ENDOV: variants seen among roughly 807,000 people sequenced by gnomAD.
ENDOV encodes endonuclease V.
In ENDOV, 37 loss-of-function variants were observed where a neutral mutation model predicts 39.4. That is an observed-to-expected ratio of 0.94 (90% CI 0.72 to 1.23). The LOEUF (loss-of-function observed/expected upper bound fraction) is 1.23. Among genes scored for constraint, ENDOV ranks in the 50% most tolerant of loss-of-function variants. The probability of loss-of-function intolerance (pLI) is 0.00; values close to 1 mark genes in which losing one functional copy is unlikely to be tolerated. For missense variants in ENDOV, 441 were observed against 375.7 expected, an observed-to-expected ratio of 1.17 and a Z score of -1.44; for synonymous variants, 186 against 163.4, an observed-to-expected ratio of 1.14 and a Z score of -1.05.
chr17:80,425,386 C>A, intron 6 of ENDOV, 106 bp from the exon 7 acceptor site: 2 of 1,465,688 alleles, frequency 1.4e-6, no homozygotes, highest in Non-Finnish European at 1.8e-6. Context: ...CTTCAGCTTC[C>A]CCCTTGCCCC....
At position 80,425,639 on chromosome 17, in the gene ENDOV, CG is replaced by C. The variant is rs1568236252; in HGVS notation, c.714+23del. 1.9e-6 allele frequency: 3 copies of C among 1,563,984 alleles called. No homozygotes were observed. Among genetic ancestry groups the C allele is most frequent in the African/African-American group, 2.7e-5 (2 of 73,970 alleles). On this transcript the variant is annotated intron_variant, in intron 7 of 9. Coordinates refer to ENST00000518137, the MANE Select transcript of ENDOV (RefSeq NM_173627.5). ...GCGCCAGGTGGGTGTGCTGGGGATG[CG>C]GGGAGGCAGCACAGGCTCCTCTGCT...
At chr17:80,421,620 C>T (rs1475808077) in intron 2 of ENDOV, among the ~76,000 whole-genome samples, 4 of 151,786 alleles carry the variant, frequency 2.6e-5, no homozygotes, top group Admixed American at 6.6e-5. Context: ...GACCAGGTCC[C>T]GGGGGTACCT....
At chr17:80,419,200 A>G (rs1185085317) in intron 2 of ENDOV, among the ~76,000 whole-genome samples, 2 of 150,428 alleles carry the variant, frequency 1.3e-5, no homozygotes, top group African/African-American at 4.9e-5. Flanking sequence ...CAGATTCCAG[A>G]GCCCTACCCC....
chr17:80,421,679 C>T, intron 2 of ENDOV, 149 bp from the exon 3 acceptor site: 3 of 1,095,150 alleles, frequency 2.7e-6, no homozygotes, highest in Non-Finnish European at 3.9e-6. Flanking sequence ...TCTTCCAAAC[C>T]CATCATCTCA....
chr17:80,425,216 C>G lies in ENDOV; in HGVS notation c.585+116C>G, dbSNP rs1470743002. ...CACACTTGCCCACATCAACCCCCCG[C>G]CTGCCCGTCCATCCATCCTCCTGCC... On this transcript the variant is annotated intron_variant, in intron 6 of 9. Transcript: ENST00000518137. 8.6e-6 allele frequency: 8 copies of G among 929,130 alleles called. No individual in the cohort carries two copies. The Admixed American group carries it at 2.0e-4, about 23-fold the overall frequency. The allele number at this position is 929,130 out of a possible 1,614,324, so 57.6% of individuals were successfully genotyped here.
chr17:80,436,438 G>GAGC lies in ENDOV; in HGVS notation c.*296_*297insGCA. The GAGC allele has an allele frequency of 8.1e-7, 1 of 1,236,338 alleles. No homozygotes were observed. The highest frequency in any genetic ancestry group is 1.1e-6 in the Non-Finnish European group (1 of 939,054). 76.6% of individuals were successfully genotyped at this position (1,236,338 alleles called of 1,614,324 possible). A position where few individuals can be genotyped will look rare whatever the true frequency, so the allele number is the denominator to read the frequency against. ...CAAGGATGCTCTTCATCCAGCTGAA[G>GAGC]ACGGTCCCTTCTAGTCCTAATTTGT... On this transcript the variant is annotated 3_prime_UTR_variant, in exon 10 of 10. Transcript: ENST00000518137.
chr17:80,415,384 T>G lies in ENDOV; in HGVS notation c.56+134T>G, dbSNP rs1455317831. 4.2e-6 allele frequency: 5 copies of G among 1,186,164 alleles called. No homozygotes were observed. In the African/African-American group the frequency reaches 4.6e-5, roughly 11 times the overall value. 73.5% of individuals were successfully genotyped at this position (1,186,164 alleles called of 1,614,324 possible). ...CGAGACTCCAAAGCAAAGCCCAGTTTCCGGCGCGGAAGCGGAGGGATCTCA... is the reference window on the plus strand; with the variant it reads ...CGAGACTCCAAAGCAAAGCCCAGTTGCCGGCGCGGAAGCGGAGGGATCTCA... On this transcript the variant is annotated intron_variant, in intron 1 of 9. Coordinates refer to ENST00000518137, the MANE Select transcript of ENDOV (RefSeq NM_173627.5).
At chr17:80,432,314 A>T (rs2145138068) in intron 9 of ENDOV, among the ~76,000 whole-genome samples, 1 of 152,208 alleles carries the variant, frequency 6.6e-6, no homozygotes. Context: ...GGAATGAGGC[A>T]TCAGTGGTCG....
intron 1 of ENDOV, 139 bp downstream of exon 1, chr17:80,415,389 C>G (rs1420180849): frequency 2.6e-6 from 3 of 1,158,040 alleles, no homozygotes; most frequent in Non-Finnish European, 3.6e-6. Context: ...CAGTTTCCGG[C>G]GCGGAAGCGG....
intron 9 of ENDOV, among the ~76,000 whole-genome samples, chr17:80,433,505 G>A (rs533580209): frequency 9.8e-5 from 15 of 152,332 alleles, no homozygotes; most frequent in African/African-American, 2.2e-4. Flanking sequence ...TCAGGTCCTC[G>A]AAGGGAGGCC....
At chr17:80,422,311 G>C (rs2082150232) in intron 4 of ENDOV, 66 bp downstream of exon 4, 13 of 1,572,230 alleles carry the variant, frequency 8.3e-6, no homozygotes, top group Non-Finnish European at 1.1e-5. Flanking sequence ...GGGCACCTCT[G>C]TCGTCCCCCA....
chr17:80,418,137 G>C (rs1384766158), intron 2 of ENDOV: 1 of 152,132 alleles, frequency 6.6e-6, no homozygotes, highest in Non-Finnish European at 1.5e-5. Flanking sequence ...TTAGGGTCCT[G>C]ACTACTCATG....
chr17:80,423,748 C>A, intron 5 of ENDOV, 116 bp downstream of exon 5: 1 of 975,494 alleles, frequency 1.0e-6, no homozygotes, highest in Admixed American at 2.5e-5. Context: ...CCCTCCTCAT[C>A]CCTGGCTTGT....
intron 9 of ENDOV, among the ~76,000 whole-genome samples, chr17:80,434,680 T>C (rs375968223): frequency 9.2e-5 from 14 of 152,336 alleles, no homozygotes; most frequent in African/African-American, 2.9e-4. Flanking sequence ...AGTGAGTGGT[T>C]CATGCCTGTA....
chr17:80,423,482 C>T, intron 4 of ENDOV, 38 bp from the exon 5 acceptor site: 1 of 1,301,262 alleles, frequency 7.7e-7, no homozygotes, highest in Non-Finnish European at 1.1e-6. Flanking sequence ...AGGCCCCAGC[C>T]CCACCTCCCC....
intron 9 of ENDOV, among the ~76,000 whole-genome samples, chr17:80,433,781 C>G (rs1308017175): frequency 6.6e-6 from 1 of 152,176 alleles, no homozygotes; most frequent in Non-Finnish European, 1.5e-5. Flanking sequence ...CCATGGGTGT[C>G]AGGTGGGCCT....
At chr17:80,419,838 C>G (rs1343342337) in intron 2 of ENDOV, 2 of 606,578 alleles carry the variant, frequency 3.3e-6, no homozygotes, top group South Asian at 1.9e-5. Context: ...AACTGTCACC[C>G]ACGCCATTTC....
At chr17:80,427,963 T>G in intron 7 of ENDOV, 1 of 1,038,092 alleles carries the variant, frequency 9.6e-7, no homozygotes, top group Non-Finnish European at 1.2e-6. Flanking sequence ...CTGAAGCTAA[T>G]CTAAGCTCAT....
intron 2 of ENDOV, chr17:80,418,075 A>T (rs1178844876): frequency 6.6e-6 from 1 of 152,098 alleles, no homozygotes; most frequent in Non-Finnish European, 1.5e-5. Context: ...CCCCTACTCT[A>T]AGAGGTCCCC....
Sources: allele counts gnomAD v4.1 joint callset (sites outside exome capture counted in the v4.1 genomes callset), GRCh38; gene constraint gnomAD v4.1.1; transcripts MANE v1.5; gene names NCBI Gene and HGNC (gene_info 2026-07-23, HGNC 2026-07-21).